The following TNIK variants were observed in gnomAD, a reference collection of about 807,000 sequenced individuals.
TNIK encodes TRAF2 and NCK interacting kinase, also known as TRAF2 and NCK-interacting protein kinase.
A neutral mutation model predicts 191.3 loss-of-function variants in TNIK; 49 were observed. The ratio of observed to expected loss-of-function variants is 0.26; its 90% CI spans 0.20 to 0.32. The LOEUF is 0.32. TNIK is among the 10% of genes least tolerant of loss of function. TNIK has a pLI of 1.00. For missense variants in TNIK, 1,155 were observed against 1,702.3 expected, an observed-to-expected ratio of 0.68 and a Z score of 5.66; for synonymous variants, 594 against 600.9, an observed-to-expected ratio of 0.99 and a Z score of 0.17.
chr3:171,263,896 C>T (rs538862831), intron 2 of TNIK, among the ~76,000 whole-genome samples: 8 of 151,880 alleles, frequency 5.3e-5, no homozygotes, highest in African/African-American at 1.9e-4. Context: ...GGCAGGAACA[C>T]AAATGTTTTA....
intron 21 of TNIK, among the ~76,000 whole-genome samples, chr3:171,104,031 AAAAGCTCTCTGCCCTGAAAC>A (rs1199776169): frequency 6.6e-6 from 1 of 152,088 alleles, no homozygotes; most frequent in Non-Finnish European, 1.5e-5. Context: ...TGTGTTACTA[AAAAGCTCTCTGCCCTGAAAC>A]ATTAGAAATA....
At chr3:171,357,885 C>T (rs1439892115) in intron 2 of TNIK, among the ~76,000 whole-genome samples, 1 of 152,046 alleles carries the variant, frequency 6.6e-6, no homozygotes, top group Non-Finnish European at 1.5e-5. Context: ...CAGGATGGGC[C>T]GTAGATGAGG....
chr3:171,430,362 T>A lies in TNIK; in HGVS notation c.57+29645A>T, dbSNP rs150677851. On this transcript the variant is annotated intron_variant, in intron 1 of 32. Coordinates refer to ENST00000436636, the MANE Select transcript of TNIK (RefSeq NM_015028.4). ...TAACGTGAACCAAGAAAATAAGCCC[T>A]GTCATAGTGGCTCATCCCTGTAATC... 2.2e-3 allele frequency among the ~76,000 whole-genome samples: 338 copies of A among 152,230 alleles called. 2 individuals are homozygous for A. The highest frequency in any genetic ancestry group is 7.6e-3 in the African/African-American group (316 of 41,558).
intron 1 of TNIK, among the ~76,000 whole-genome samples, chr3:171,420,408 C>G (rs1397154560): frequency 6.6e-6 from 1 of 152,200 alleles, no homozygotes; most frequent in Non-Finnish European, 1.5e-5. Flanking sequence ...AGGCCCACCT[C>G]TCCAGCACTT....
chr3:171,275,765 T>C (rs549322047), intron 2 of TNIK, among the ~76,000 whole-genome samples: 188 of 151,800 alleles, frequency 1.2e-3, no homozygotes, highest in African/African-American at 3.7e-3. Flanking sequence ...GGCGTGGTGG[T>C]GGGTGCCTGT....
At position 171,092,229 on chromosome 3, in the gene TNIK, C is replaced by A. The variant is rs143881885; in HGVS notation, c.2721+1610G>T. On this transcript the variant is annotated intron_variant, in intron 23 of 32. Transcript: ENST00000436636. The stretch of plus-strand genomic sequence containing the variant: ...TCCCAAAGTGCTGGGATTACAGGCA[C>A]GAGCCACCGCGCCCGGCTGCAAATG... Among the ~76,000 whole-genome samples the A allele has an allele frequency of 3.6e-3, 541 of 152,022 alleles. 1 individual carries two copies. Among genetic ancestry groups the A allele is most frequent in the Middle Eastern group, 6.8e-3 (2 of 294 alleles).
intron 12 of TNIK, 93 bp from the exon 13 acceptor site, chr3:171,140,602 G>T (rs1049017646): frequency 2.4e-5 from 29 of 1,197,466 alleles, no homozygotes; most frequent in Non-Finnish European, 3.4e-5. Flanking sequence ...CCCCAGACAT[G>T]AACTTTTAAT....
intron 1 of TNIK, among the ~76,000 whole-genome samples, chr3:171,405,287 G>A (rs535494291): frequency 2.7e-4 from 41 of 152,236 alleles, no homozygotes; most frequent in Middle Eastern, 6.8e-3. Flanking sequence ...ACAATGAAAT[G>A]TCTCTTTAGC....
At chr3:171,219,526 A>C (rs1742017434) in intron 3 of TNIK, among the ~76,000 whole-genome samples, 1 of 151,970 alleles carries the variant, frequency 6.6e-6, no homozygotes, top group Non-Finnish European at 1.5e-5. Context: ...TATTAAAGTC[A>C]GTAGGCTTCA....
chr3:171,169,478 G>A (rs193068259), intron 9 of TNIK, among the ~76,000 whole-genome samples: 162 of 152,226 alleles, frequency 1.1e-3, no homozygotes, highest in Non-Finnish European at 1.6e-3. Context: ...ATGTTGACCA[G>A]GCTGGTCTCA....
chr3:171,227,620 A>G (rs1454511280), intron 3 of TNIK, among the ~76,000 whole-genome samples: 1 of 152,192 alleles, frequency 6.6e-6, no homozygotes, highest in Non-Finnish European at 1.5e-5. Context: ...AATTAGAGTG[A>G]TGTACCCATG....
intron 2 of TNIK, among the ~76,000 whole-genome samples, chr3:171,344,703 C>T (rs1022240343): frequency 4.6e-5 from 7 of 150,868 alleles, no homozygotes; most frequent in Non-Finnish European, 1.0e-4. Context: ...TCTTAAATTA[C>T]CTCTTTTTAC....
chr3:171,266,910 A>C (rs984350054), intron 2 of TNIK, among the ~76,000 whole-genome samples: 1 of 152,252 alleles, frequency 6.6e-6, no homozygotes, highest in African/African-American at 2.4e-5. Flanking sequence ...TGTTCAGAAC[A>C]GCCTGGCCAG....
rs552381575 is a variant in TNIK, at chr3:171,357,318, C to G, written c.123+12302G>C. On this transcript the variant is annotated intron_variant, in intron 2 of 32. Transcript: ENST00000436636. ...TTTTTTTTTTTTGAGATGGAGTCTC[C>G]CTTTGTGGCCCAGGCTGGAGTGTGC... Among the ~76,000 whole-genome samples, 131 of 151,338 alleles carry G rather than the reference C, an allele frequency of 8.7e-4. 1 individual carries two copies. The East Asian group carries it at 0.022, about 26-fold the overall frequency.
rs866461175 is a variant in TNIK at position 171,422,365 on chromosome 3, G to C, written c.57+37642C>G. ...ACACACACCACATGTTTATACATAT[G>C]AATTCAAACCAAACACACTGTTTAC... is the stretch of plus-strand genomic sequence containing the variant. On this transcript the variant is annotated intron_variant, in intron 1 of 32. Coordinates refer to ENST00000436636, the MANE Select transcript of TNIK (RefSeq NM_015028.4). Among the ~76,000 whole-genome samples, 4 of 152,024 alleles carry C rather than the reference G, an allele frequency of 2.6e-5. No individual in the cohort carries two copies. In the East Asian group the frequency reaches 7.7e-4, roughly 29 times the overall value.
intron 25 of TNIK, among the ~76,000 whole-genome samples, chr3:171,084,607 T>C (rs1478085631): frequency 2.6e-5 from 4 of 152,154 alleles, no homozygotes; most frequent in Admixed American, 2.0e-4. Flanking sequence ...CTCTTGTATA[T>C]AGGCAAAAAA....
At chr3:171,096,505 C>T (rs1722734775) in intron 22 of TNIK, among the ~76,000 whole-genome samples, 2 of 152,242 alleles carry the variant, frequency 1.3e-5, no homozygotes, top group African/African-American at 2.4e-5. Flanking sequence ...AATCCTGCCC[C>T]AACTCCTAAC....
At chr3:171,102,655 G>A (rs1299381328) in intron 21 of TNIK, among the ~76,000 whole-genome samples, 2 of 152,110 alleles carry the variant, frequency 1.3e-5, no homozygotes, top group East Asian at 1.9e-4. Context: ...TGACCCATGT[G>A]GGAATCAGAG....
intron 2 of TNIK, among the ~76,000 whole-genome samples, chr3:171,349,273 T>C (rs1024316116): frequency 1.3e-5 from 2 of 152,200 alleles, no homozygotes; most frequent in Admixed American, 6.5e-5. Context: ...TCACATATCA[T>C]ATTTTTCAGA....
Sources: gnomAD v4.1 joint callset for allele counts (sites outside exome capture counted in the v4.1 genomes callset) on GRCh38, gnomAD v4.1.1 for gene constraint, MANE v1.5 for transcripts, NCBI Gene and HGNC (gene_info 2026-07-23, HGNC 2026-07-21) for gene names.